Variants in EPS8 observed in about 807,000 individuals in gnomAD.
EPS8 encodes the protein epidermal growth factor receptor kinase substrate 8.
Under a neutral mutation model 103.8 loss-of-function variants are expected in EPS8, and 42 were observed. That is an observed-to-expected ratio of 0.40 (90% CI 0.32 to 0.52). The LOEUF is 0.52. Among genes scored for constraint, EPS8 ranks in the 20% least tolerant of loss-of-function variants. EPS8 has a pLI of 0.40. For missense variants in EPS8, 969 were observed against 1,005.1 expected (o/e 0.96, Z 0.49); for synonymous variants, 344 against 344.6 (o/e 1.00, Z 0.02).
At chr12:15,730,460 C>T (rs1946701865) in intron 1 of EPS8, among the ~76,000 whole-genome samples, 1 of 152,072 alleles carries the variant, frequency 6.6e-6, no homozygotes, top group South Asian at 2.1e-4. Context: ...GGAGTATAAA[C>T]TGTAAGCATG....
rs947153679 is a variant in EPS8 at position 15,759,303 on chromosome 12, A to G, written c.-22+29858T>C. Among the ~76,000 whole-genome samples the G allele has an allele frequency of 2.0e-5, 3 of 152,148 alleles. No homozygotes were observed. The highest frequency in any genetic ancestry group is 7.2e-5 in the African/African-American group (3 of 41,462). On this transcript the variant is annotated intron_variant, in intron 1 of 20. Transcript: ENST00000281172. The surrounding 1 kb of genome is among the most constrained non-coding windows in gnomAD (Gnocchi z 4.9). ...AGCTGAATAGTTTCTTGCCAAATAA[A>G]TGTATATTATGCTTTGAAGGCAACA...
intron 6 of EPS8, among the ~76,000 whole-genome samples, chr12:15,666,843 G>C (rs1945721025): frequency 6.6e-6 from 1 of 152,144 alleles, no homozygotes; most frequent in Non-Finnish European, 1.5e-5. Context: ...TAGAAATTAA[G>C]GGGTTAGAGG....
intron 1 of EPS8, among the ~76,000 whole-genome samples, chr12:15,765,442 G>C (rs1947083489): frequency 6.6e-6 from 1 of 151,996 alleles, no homozygotes; most frequent in African/African-American, 2.4e-5. Flanking sequence ...TTGAAAAATA[G>C]TCCCTTGCTG....
At position 15,752,882 on chromosome 12, in the gene EPS8, G is replaced by A. The variant is rs1210674808; in HGVS notation, c.-22+36279C>T. ...CATTATCATAAAATCCTATGAGAAA[G>A]GCAAGGCAAGAACCATTACTTTCCT... On this transcript the variant is annotated intron_variant, in intron 1 of 20. Coordinates refer to ENST00000281172, the MANE Select transcript of EPS8 (RefSeq NM_004447.6). The surrounding 1 kb of genome is among the most constrained non-coding windows in gnomAD (Gnocchi z 4.4). Among the ~76,000 whole-genome samples the A allele has an allele frequency of 3.3e-5, 5 of 151,978 alleles. No individual in the cohort carries two copies. The highest frequency in any genetic ancestry group is 2.0e-4 in the Admixed American group (3 of 15,264).
Position 15,779,038 on chromosome 12 carries a change from C to A in EPS8, c.-22+10123G>T, listed in dbSNP as rs1306888254. ...TGTTGCCCAGGCTGGAGTGCAATGG[C>A]GCCATCTTGGCTCACCACAACCTCC... On this transcript the variant is annotated intron_variant, in intron 1 of 20. Coordinates refer to ENST00000281172, the MANE Select transcript of EPS8 (RefSeq NM_004447.6). The surrounding 1 kb of genome is among the most constrained non-coding windows in gnomAD (Gnocchi z 4.3). Among the ~76,000 whole-genome samples, 1 of 152,052 alleles carries A rather than the reference C, an allele frequency of 6.6e-6. No individual in the cohort carries two copies. Among genetic ancestry groups the A allele is most frequent in the Non-Finnish European group, 1.5e-5 (1 of 68,024 alleles).
rs1353204477 is a variant in EPS8 at position 15,714,625 on chromosome 12, T to C, written c.-21-31653A>G. Among the ~76,000 whole-genome samples the C allele has an allele frequency of 1.3e-5, 2 of 152,174 alleles. No homozygotes were observed. Among genetic ancestry groups the C allele is most frequent in the Non-Finnish European group, 2.9e-5 (2 of 68,024 alleles). ...GCCACTGTATTCCAGCCTGTGTGAC[T>C]GAGCAGGACCCATCTCTTTAACCCA... On this transcript the variant is annotated intron_variant, in intron 1 of 20. Coordinates refer to ENST00000281172, the MANE Select transcript of EPS8 (RefSeq NM_004447.6). The surrounding 1 kb of genome is among the most constrained non-coding windows in gnomAD (Gnocchi z 4.1).
At chr12:15,630,426 T>C (rs890323591) in intron 18 of EPS8, among the ~76,000 whole-genome samples, 5 of 151,322 alleles carry the variant, frequency 3.3e-5, no homozygotes, top group Non-Finnish European at 3.0e-5. Context: ...TAAAACTACC[T>C]TCAGTTTTCA....
At chr12:15,782,937 A>G (rs1947274833) in intron 1 of EPS8, among the ~76,000 whole-genome samples, 1 of 152,222 alleles carries the variant, frequency 6.6e-6, no homozygotes, top group South Asian at 2.1e-4. Flanking sequence ...GTATCACAGT[A>G]AAAAATGATT....
rs371003148 is a variant in EPS8, at chr12:15,681,305, G to GTAGTAA, written c.60-4_60-3insTTACTA. ...AGGTAGGTGATGATCCGTAGCCACT[G>GTAGTAA]TAATAATAATAATAATAATAATAAT... On this transcript the variant is annotated splice_region_variant and splice_polypyrimidine_tract_variant and intron_variant, in intron 2 of 20. Transcript: ENST00000281172. The GTAGTAA allele has an allele frequency of 9.5e-7, 1 of 1,052,878 alleles. No individual in the cohort carries two copies. Among genetic ancestry groups the GTAGTAA allele is most frequent in the African/African-American group, 1.8e-5 (1 of 56,278 alleles). The allele number at this position is 1,052,878 out of a possible 1,614,324, so 65.2% of individuals were successfully genotyped here. A position where few individuals can be genotyped will look rare whatever the true frequency, so the allele number is the denominator to read the frequency against.
chr12:15,650,764 C>A (rs1945398227), intron 14 of EPS8, 59 bp downstream of exon 14: 1 of 1,364,020 alleles, frequency 7.3e-7, no homozygotes, highest in Admixed American at 2.0e-5. Context: ...ATCAGAATTA[C>A]AAGAGAATAC....
At chr12:15,775,206 A>G (rs1947196151) in intron 1 of EPS8, among the ~76,000 whole-genome samples, 1 of 152,068 alleles carries the variant, frequency 6.6e-6, no homozygotes, top group Non-Finnish European at 1.5e-5. Flanking sequence ...AGACAATAGA[A>G]TTTTCCCCAT....
rs763442789 is a variant in EPS8, at chr12:15,735,545, C to T, written c.-21-52573G>A. 4.6e-5 allele frequency among the ~76,000 whole-genome samples: 7 copies of T among 152,136 alleles called. No individual in the cohort carries two copies. Among genetic ancestry groups the T allele is most frequent in the Non-Finnish European group, 7.3e-5 (5 of 68,034 alleles). On this transcript the variant is annotated intron_variant, in intron 1 of 20. Coordinates refer to ENST00000281172, the MANE Select transcript of EPS8 (RefSeq NM_004447.6). This position sits in a 1 kb window ranked among gnomAD's most constrained non-coding sequence, Gnocchi z 4.4. ...CTATGATTTGAATCCATGTCTAATC[C>T]TAAATGCCTCAAAGCTACTTAATTT...
intron 17 of EPS8, among the ~76,000 whole-genome samples, chr12:15,635,366 A>G (rs536082190): frequency 1.2e-4 from 19 of 152,342 alleles, no homozygotes; most frequent in Middle Eastern, 3.4e-3. Context: ...GACAGAATAA[A>G]AAGTAAACAT....
At chr12:15,651,216 G>A (rs1945408728) in intron 13 of EPS8, among the ~76,000 whole-genome samples, 1 of 152,154 alleles carries the variant, frequency 6.6e-6, no homozygotes, top group Non-Finnish European at 1.5e-5. Flanking sequence ...TAAAATGAAA[G>A]AAAGATTGAA....
At chr12:15,691,980 T>C (rs914381036) in intron 1 of EPS8, among the ~76,000 whole-genome samples, 6 of 152,138 alleles carry the variant, frequency 3.9e-5, no homozygotes, top group Non-Finnish European at 7.3e-5. Flanking sequence ...TCTGTCTTTC[T>C]GCAGGCTTCT....
intron 1 of EPS8, among the ~76,000 whole-genome samples, chr12:15,699,895 C>T (rs889997975): frequency 6.6e-6 from 1 of 152,186 alleles, no homozygotes; most frequent in East Asian, 1.9e-4. Context: ...GTGGCTCACG[C>T]CTGTAATGCC....
chr12:15,779,635 A>G lies in EPS8; in HGVS notation c.-22+9526T>C, dbSNP rs1947240384. Among the ~76,000 whole-genome samples, 1 of 152,242 alleles carries G rather than the reference A, an allele frequency of 6.6e-6. No individual in the cohort carries two copies. Among genetic ancestry groups the G allele is most frequent in the Non-Finnish European group, 1.5e-5 (1 of 68,030 alleles). ...AATATTCTAATGGTGTTAACAGAAG[A>G]TAATTCAACAGCCCTCAATAAGGGA... On this transcript the variant is annotated intron_variant, in intron 1 of 20. Coordinates refer to ENST00000281172, the MANE Select transcript of EPS8 (RefSeq NM_004447.6). The surrounding 1 kb of genome is among the most constrained non-coding windows in gnomAD (Gnocchi z 4.3).
At chr12:15,647,058 T>A in intron 15 of EPS8, 69 bp downstream of exon 15, 1 of 1,428,090 alleles carries the variant, frequency 7.0e-7, no homozygotes, top group Non-Finnish European at 9.5e-7. Flanking sequence ...ACAGACACTG[T>A]CACCTCTGTT....
Position 15,760,795 on chromosome 12 carries a change from T to A in EPS8, c.-22+28366A>T, listed in dbSNP as rs1043572833. On this transcript the variant is annotated intron_variant, in intron 1 of 20. Transcript: ENST00000281172. The surrounding 1 kb of genome is among the most constrained non-coding windows in gnomAD (Gnocchi z 4.5). ...CAAAAAGCTGGGAACAGAAAGAATA[T>A]ACCTTAACATAATAAAAGCCATATA... Among the ~76,000 whole-genome samples the A allele has an allele frequency of 2.0e-5, 3 of 152,036 alleles. No individual in the cohort carries two copies. Among genetic ancestry groups the A allele is most frequent in the African/African-American group, 7.2e-5 (3 of 41,420 alleles).
Sources: gnomAD v4.1 joint callset for allele counts (sites outside exome capture counted in the v4.1 genomes callset) on GRCh38, gnomAD v4.1.1 for gene constraint, Gnocchi (gnomAD v3.1) non-coding constraint, MANE v1.5 for transcripts, NCBI Gene and HGNC (gene_info 2026-07-23, HGNC 2026-07-21) for gene names.